Variants in MED15 observed in about 807,000 individuals in gnomAD.
The protein encoded by MED15 is mediator complex subunit 15.
Under a neutral mutation model 118.7 loss-of-function variants are expected in MED15, and 41 were observed. That is an observed-to-expected ratio of 0.35 (90% CI 0.27 to 0.45). MED15 has a LOEUF of 0.45. MED15 is among the 20% of genes least tolerant of loss of function. The pLI is 1.00. For synonymous variants in MED15, 436 were observed against 413.9 expected (o/e 1.05, Z -0.65); for missense variants, 740 against 1,025.5 (o/e 0.72, Z 3.80).
intron 8 of MED15, chr22:20,574,298 A>C (rs1044607879): frequency 3.9e-5 from 6 of 152,146 alleles, no homozygotes; most frequent in African/African-American, 1.4e-4. Context: ...TCTACCCCCA[A>C]CTCAGAACCC....
At chr22:20,582,405 C>T (rs2057013490) in intron 9 of MED15, 1 of 778,584 alleles carries the variant, frequency 1.3e-6, no homozygotes. Context: ...TGCCTGGGCC[C>T]CCCCCGCCAG....
Position 20,585,215 on chromosome 22 carries a change from G to A in MED15, c.2079G>A (p.Leu693=). 6.2e-7 allele frequency: 1 copy of A among 1,613,718 alleles called. No homozygotes were observed. The highest frequency in any genetic ancestry group is 8.5e-7 in the Non-Finnish European group (1 of 1,180,004). Residue 693 remains leucine (L), a synonymous_variant, in exon 16 of 18, where the codon CTG becomes CTA. Coordinates refer to ENST00000263205, the MANE Select transcript of MED15 (RefSeq NM_001003891.3). ...TGGACCCCAAGTTCCTGGTAAACCT[G>A]GACCCTTCTCACTGCAGCAACAATG... ...ARLDPKFLVN[L]DPSHCSNNGT... is the part of the protein sequence containing the mutation.
At chr22:20,560,241 A>G (rs2056180267) in intron 5 of MED15, among the ~76,000 whole-genome samples, 1 of 151,962 alleles carries the variant, frequency 6.6e-6, no homozygotes, top group Non-Finnish European at 1.5e-5. Flanking sequence ...CCACATTCCA[A>G]GCACTATTTC....
intron 7 of MED15, among the ~76,000 whole-genome samples, chr22:20,567,839 T>C (rs2056499007): frequency 6.6e-6 from 1 of 152,046 alleles, no homozygotes; most frequent in African/African-American, 2.4e-5. Context: ...CAGTTGCCCC[T>C]TTTGCCCAAG....
rs1380343100 is a variant in MED15 at position 20,568,515 on chromosome 22, C to T, written c.1042-6C>T. ...TCCAAATCACATTCTCTCTTTCTCC[C>T]TCAAGGTCCGAGCTCCGATGGTGGT... is the stretch of plus-strand genomic sequence containing the variant. On this transcript the variant is annotated splice_region_variant and splice_polypyrimidine_tract_variant and intron_variant, in intron 7 of 17. Transcript: ENST00000263205. 3 of 1,613,212 alleles carry T rather than the reference C, an allele frequency of 1.9e-6. No individual in the cohort carries two copies. The highest frequency in any genetic ancestry group is 2.5e-6 in the Non-Finnish European group (3 of 1,179,876).
In MED15 at chr22:20,586,872, A is replaced by C. The variant is rs923014184; in HGVS notation, c.*168A>C. On this transcript the variant is annotated 3_prime_UTR_variant, in exon 18 of 18. Coordinates refer to ENST00000263205, the MANE Select transcript of MED15 (RefSeq NM_001003891.3). ...AAACGAAATCCCACACCTGTACAGAACTGGGATAGGCGCAGTGGAGCGGGT... is the reference window on the plus strand; with the variant it reads ...AAACGAAATCCCACACCTGTACAGACCTGGGATAGGCGCAGTGGAGCGGGT... 1.7e-5 allele frequency: 18 copies of C among 1,058,980 alleles called. No individual in the cohort carries two copies. The highest frequency in any genetic ancestry group is 2.4e-5 in the Non-Finnish European group (18 of 755,318). 65.6% of individuals were successfully genotyped at this position (1,058,980 alleles called of 1,614,324 possible).
intron 5 of MED15, among the ~76,000 whole-genome samples, chr22:20,558,682 C>T (rs894841994): frequency 6.6e-6 from 1 of 152,090 alleles, no homozygotes; most frequent in Non-Finnish European, 1.5e-5. Context: ...TCCTGAGCCT[C>T]AGCTGCTGCA....
At chr22:20,548,502 G>A (rs941263335) in intron 2 of MED15, among the ~76,000 whole-genome samples, 1 of 152,128 alleles carries the variant, frequency 6.6e-6, no homozygotes, top group Non-Finnish European at 1.5e-5. Flanking sequence ...AAAGATTTAT[G>A]TGCTTCTGAA....
chr22:20,564,170 AT>A (rs370128410), intron 5 of MED15, among the ~76,000 whole-genome samples: 17 of 152,344 alleles, frequency 1.1e-4, no homozygotes, highest in African/African-American at 4.1e-4. Context: ...GAGATTACTG[AT>A]TGCCAGAGTC....
intron 1 of MED15, among the ~76,000 whole-genome samples, chr22:20,528,339 A>G (rs898261921): frequency 2.0e-5 from 3 of 152,030 alleles, no homozygotes; most frequent in Non-Finnish European, 2.9e-5. Context: ...ACAGAAGACA[A>G]TTTTTCTACA....
chr22:20,541,672 A>G (rs1328344664), intron 2 of MED15, among the ~76,000 whole-genome samples: 1 of 129,570 alleles, frequency 7.7e-6, no homozygotes, highest in Non-Finnish European at 1.7e-5. Flanking sequence ...TTTTTTTGAG[A>G]TGGAGTCTCG....
At chr22:20,579,730 G>C (rs935438597) in intron 9 of MED15, among the ~76,000 whole-genome samples, 3 of 152,128 alleles carry the variant, frequency 2.0e-5, no homozygotes, top group African/African-American at 7.2e-5. Flanking sequence ...GGGTGGTGGT[G>C]TTGCTGGGGT....
intron 9 of MED15, among the ~76,000 whole-genome samples, chr22:20,580,234 T>G (rs1442380181): frequency 6.6e-6 from 1 of 152,092 alleles, no homozygotes; most frequent in African/African-American, 2.4e-5. Context: ...CGGGCGTGGC[T>G]GGTGAGATTG....
intron 1 of MED15, among the ~76,000 whole-genome samples, chr22:20,517,078 C>T (rs920610710): frequency 1.5e-4 from 22 of 151,672 alleles, no homozygotes; most frequent in Non-Finnish European, 2.6e-4. Context: ...TAAGGGTAGG[C>T]GCCACCATGC....
chr22:20,507,999 C>T, intron 1 of MED15: 1 of 1,424,630 alleles, frequency 7.0e-7, no homozygotes, highest in South Asian at 1.5e-5. Flanking sequence ...CTTGAGCTTT[C>T]TCATTCGTCA....
chr22:20,584,329 T>C (rs1437976038), intron 13 of MED15, 30 bp from the exon 14 acceptor site: 6 of 1,610,812 alleles, frequency 3.7e-6, no homozygotes, highest in Non-Finnish European at 2.5e-6. Context: ...TGTCTTCCAC[T>C]CTTTCAGCCC....
intron 7 of MED15, among the ~76,000 whole-genome samples, chr22:20,568,055 A>G (rs1042761308): frequency 6.6e-6 from 1 of 152,190 alleles, no homozygotes; most frequent in Admixed American, 6.5e-5. Flanking sequence ...TGCCCAGGCT[A>G]GTCTTGATCT....
At chr22:20,538,199 G>C (rs1158787588) in intron 2 of MED15, among the ~76,000 whole-genome samples, 1 of 152,120 alleles carries the variant, frequency 6.6e-6, no homozygotes, top group Non-Finnish European at 1.5e-5. Context: ...CTCTTGCCTA[G>C]GCCTCCCAAA....
chr22:20,583,388 G>A lies in MED15; in HGVS notation c.1731G>A (p.Ser577=), dbSNP rs766366860. The A allele has an allele frequency of 2.8e-5, 45 of 1,611,722 alleles. No individual in the cohort carries two copies. The highest frequency in any genetic ancestry group is 4.5e-4 in the Middle Eastern group (2 of 4,484). Reference sequence around the variant, plus strand: ...TTCTGGACATTCTGACAGACCCCTCGAAGCGGTGAGCTTTGCCCACAGCCC... The same window carrying A: ...TTCTGGACATTCTGACAGACCCCTCAAAGCGGTGAGCTTTGCCCACAGCCC... The part of the protein sequence containing the change: ...KSLLDILTDP[S]KRCPLKTLQK... The change falls in exon 13 of 18, where the codon TCG becomes TCA. Residue 577 remains serine, a synonymous_variant. Transcript: ENST00000263205.
Sources: gnomAD v4.1 joint callset for allele counts (sites outside exome capture counted in the v4.1 genomes callset) on GRCh38, gnomAD v4.1.1 for gene constraint, MANE v1.5 for transcripts, NCBI Gene and HGNC (gene_info 2026-07-23, HGNC 2026-07-21) for gene names.